The following PLCB4 variants were observed in gnomAD, a reference collection of about 807,000 sequenced individuals.
PLCB4 encodes phospholipase C beta 4.
PLCB4 carries 77 observed loss-of-function variants against 178.8 expected under a neutral mutation model. That is an observed-to-expected ratio of 0.43 (90% confidence interval 0.36 to 0.52). The LOEUF (loss-of-function observed/expected upper bound fraction) is 0.52, where lower values mean the gene tolerates loss of function less well. Among genes scored for constraint, PLCB4 ranks in the 20% least tolerant of loss-of-function variants. The pLI is 0.00. For missense variants in PLCB4, 1,024 were observed against 1,453.4 expected (o/e 0.70, Z 4.80); for synonymous variants, 496 against 490.8 (o/e 1.01, Z -0.14).
At chr20:9,080,394 A>T (rs6056389) in intron 1 of PLCB4, among the ~76,000 whole-genome samples, 2 of 150,596 alleles carry the variant, frequency 1.3e-5, no homozygotes, top group Non-Finnish European at 3.0e-5. Flanking sequence ...GTAAGAAACC[A>T]AGATACTAGT....
Position 9,331,199 on chromosome 20 carries a change from C to T in PLCB4, c.85-5927C>T, listed in dbSNP as rs59517350. Among the ~76,000 whole-genome samples, 1,148 of 152,254 alleles carry T rather than the reference C, an allele frequency of 7.5e-3. 10 individuals carry two copies. Among genetic ancestry groups the T allele is most frequent in the African/African-American group, 0.025 (1,052 of 41,528 alleles). ...TCTGAAGGTTTTCTTTCCCAGAAAA[C>T]GCAGTTTTGTGATGGAATGTGAATG... is the stretch of plus-strand genomic sequence containing the variant. On this transcript the variant is annotated intron_variant, in intron 4 of 39. Transcript: ENST00000378473.
chr20:9,405,047 A>G (rs2066669897), intron 20 of PLCB4, among the ~76,000 whole-genome samples: 1 of 152,202 alleles, frequency 6.6e-6, no homozygotes, highest in South Asian at 2.1e-4. Context: ...CCCATGACTA[A>G]AGCACTAATT....
intron 35 of PLCB4, among the ~76,000 whole-genome samples, chr20:9,466,870 G>A (rs916455755): frequency 6.6e-6 from 1 of 152,192 alleles, no homozygotes; most frequent in Admixed American, 6.5e-5. Context: ...AGACAGTGTG[G>A]CGATTCCTCA....
chr20:9,296,255 A>T (rs902335236), intron 3 of PLCB4, among the ~76,000 whole-genome samples: 7 of 152,220 alleles, frequency 4.6e-5, no homozygotes, highest in Non-Finnish European at 7.3e-5. Flanking sequence ...ACACATGAAA[A>T]AATGCTCATC....
In PLCB4 at chr20:9,479,064, C is replaced by T. The variant is rs919591824; in HGVS notation, c.*55C>T. 3.3e-6 allele frequency: 4 copies of T among 1,199,152 alleles called. No individual in the cohort carries two copies. In the African/African-American group the frequency reaches 6.0e-5, roughly 18 times the overall value. The allele number at this position is 1,199,152 out of a possible 1,614,324, so 74.3% of individuals were successfully genotyped here. A position where few individuals can be genotyped will look rare whatever the true frequency, so the allele number is the denominator to read the frequency against. ...TCACTCACAAACTTCTGAACACAAA[C>T]TCCATGGATGAAAGCTGTTTATTTT... On this transcript the variant is annotated 3_prime_UTR_variant, in exon 40 of 40. Transcript: ENST00000378473.
chr20:9,284,556 T>C (rs2094521044), intron 3 of PLCB4, among the ~76,000 whole-genome samples: 2 of 151,278 alleles, frequency 1.3e-5, no homozygotes, highest in South Asian at 4.2e-4. Flanking sequence ...GAAGAAAGAG[T>C]TGGGGGAGAG....
chr20:9,291,727 G>A (rs2094581402), intron 3 of PLCB4, among the ~76,000 whole-genome samples: 1 of 152,134 alleles, frequency 6.6e-6, no homozygotes, highest in Non-Finnish European at 1.5e-5. Flanking sequence ...CCTTGTGTGA[G>A]ATTTGAGATT....
At chr20:9,253,613 C>T (rs574570640) in intron 3 of PLCB4, among the ~76,000 whole-genome samples, 1 of 152,288 alleles carries the variant, frequency 6.6e-6, no homozygotes, top group East Asian at 1.9e-4. Context: ...ATTCTGCAGT[C>T]ATTTTGCTTA....
intron 3 of PLCB4, among the ~76,000 whole-genome samples, chr20:9,254,842 C>A (rs920367090): frequency 6.6e-6 from 1 of 152,120 alleles, no homozygotes; most frequent in African/African-American, 2.4e-5. Flanking sequence ...TTCGGAGAAG[C>A]TCCTTGAGAA....
rs151032600 is a variant in PLCB4, at chr20:9,473,715, G to A, written c.3495+350G>A. Reference sequence around the variant, plus strand: ...TTATAATTTGCAAACTATAGGCAAGGGATATGATGTTTAAAAGCAAATGAG... The same window carrying A: ...TTATAATTTGCAAACTATAGGCAAGAGATATGATGTTTAAAAGCAAATGAG... On this transcript the variant is annotated intron_variant, in intron 38 of 39. Transcript: ENST00000378473. 1.7e-3 allele frequency among the ~76,000 whole-genome samples: 254 copies of A among 152,174 alleles called. 2 individuals are homozygous for A. The South Asian group carries it at 0.022, about 13-fold the overall frequency.
rs186619306 is a variant in PLCB4 at position 9,464,354 on chromosome 20, G to A, written c.3249-4217G>A. Among the ~76,000 whole-genome samples the A allele has an allele frequency of 3.3e-4, 50 of 152,032 alleles. 2 individuals carry two copies. In the East Asian group the frequency reaches 9.1e-3, roughly 28 times the overall value. ...AAAGATATAAAATTGACACCCTAACGTCACAATTAAAAGAACTAGAGACGC... is the reference window on the plus strand; with the variant it reads ...AAAGATATAAAATTGACACCCTAACATCACAATTAAAAGAACTAGAGACGC... On this transcript the variant is annotated intron_variant, in intron 35 of 39. Coordinates refer to ENST00000378473, the MANE Select transcript of PLCB4 (RefSeq NM_001377142.1).
chr20:9,193,170 A>C (rs1289686163), intron 2 of PLCB4, among the ~76,000 whole-genome samples: 1 of 152,260 alleles, frequency 6.6e-6, no homozygotes, highest in East Asian at 1.9e-4. Context: ...CTTGTGAAGC[A>C]GACGCCATGA....
intron 2 of PLCB4, among the ~76,000 whole-genome samples, chr20:9,182,397 G>A (rs191697929): frequency 2.6e-5 from 4 of 152,234 alleles, no homozygotes; most frequent in Admixed American, 6.5e-5. Flanking sequence ...AAGTGTCTAC[G>A]GGAGGCATGT....
chr20:9,421,419 A>T lies in PLCB4; in HGVS notation c.2277A>T (p.Gly759=). 6.2e-7 allele frequency: 1 copy of T among 1,613,912 alleles called. No homozygotes were observed. The highest frequency in any genetic ancestry group is 8.5e-7 in the Non-Finnish European group (1 of 1,179,906). ...EFRTRMVMNN[G]LNPVYNEESF... Reference sequence around the variant, plus strand: ...GAACTCGCATGGTTATGAATAATGGACTCAATCCAGTTTACAATGAAGAGT... The same window carrying T: ...GAACTCGCATGGTTATGAATAATGGTCTCAATCCAGTTTACAATGAAGAGT... The change falls in exon 27 of 40, where the codon GGA becomes GGT. Residue 759 remains glycine (G), a synonymous_variant. Coordinates refer to ENST00000378473, the MANE Select transcript of PLCB4 (RefSeq NM_001377142.1).
At position 9,435,665 on chromosome 20, in the gene PLCB4, G is replaced by T; in HGVS notation, c.2613+17G>T. ...ATTGAAACTGTAAGTAGAAATGGTT[G>T]ATTAAAGGTGGCCAAGTTGTGGGAG... On this transcript the variant is annotated intron_variant, in intron 29 of 39. Coordinates refer to ENST00000378473, the MANE Select transcript of PLCB4 (RefSeq NM_001377142.1). 1.4e-6 allele frequency: 2 copies of T among 1,440,740 alleles called. No homozygotes were observed. Among genetic ancestry groups the T allele is most frequent in the South Asian group, 2.3e-5 (2 of 85,278 alleles). The allele number at this position is 1,440,740 out of a possible 1,614,324, so 89.2% of individuals were successfully genotyped here. A position where few individuals can be genotyped will look rare whatever the true frequency, so the allele number is the denominator to read the frequency against.
intron 3 of PLCB4, among the ~76,000 whole-genome samples, chr20:9,236,244 A>G (rs1257894184): frequency 6.6e-6 from 1 of 152,184 alleles, no homozygotes. Flanking sequence ...TAAGTGACCT[A>G]TAGGTTAGTG....
At chr20:9,129,064 C>G (rs2092206408) in intron 2 of PLCB4, among the ~76,000 whole-genome samples, 4 of 152,128 alleles carry the variant, frequency 2.6e-5, no homozygotes, top group Admixed American at 2.6e-4. Context: ...TTGTTGATCC[C>G]TCATCCATCA....
chr20:9,477,652 C>T (rs2044637383), intron 39 of PLCB4, among the ~76,000 whole-genome samples: 1 of 152,092 alleles, frequency 6.6e-6, no homozygotes, highest in African/African-American at 2.4e-5. Flanking sequence ...TATTACTATA[C>T]TTTAGGCATA....
chr20:9,475,117 T>G (rs1040107080), intron 38 of PLCB4, among the ~76,000 whole-genome samples: 1 of 152,198 alleles, frequency 6.6e-6, no homozygotes, highest in Non-Finnish European at 1.5e-5. Flanking sequence ...AAATTCTCCC[T>G]AGAGGAAGGG....
Sources: gnomAD v4.1 joint callset for allele counts (sites outside exome capture counted in the v4.1 genomes callset) on GRCh38, gnomAD v4.1.1 for gene constraint, MANE v1.5 for transcripts, NCBI Gene and HGNC (gene_info 2026-07-23, HGNC 2026-07-21) for gene names.